The following ZNG1B variants were observed in gnomAD, a reference collection of about 807,000 sequenced individuals.
The protein encoded by ZNG1B is zinc-regulated GTPase metalloprotein activator 1B.
chr2:113,492,815 A>G, the ZNG1B span, among the ~76,000 whole-genome samples: 1 of 81,444 alleles, frequency 1.2e-5, no homozygotes, highest in Non-Finnish European at 2.4e-5. Flanking sequence ...TTATGCAAAG[A>G]TGTGCTTTAG....
At chr2:113,489,939 G>A in the ZNG1B span, among the ~76,000 whole-genome samples, 1 of 148,916 alleles carries the variant, frequency 6.7e-6, no homozygotes, top group East Asian at 2.0e-4. Flanking sequence ...TCCACTGACA[G>A]CACTGGACAG....
chr2:113,445,405 C>T, the ZNG1B span: 25 of 225,296 alleles, frequency 1.1e-4, no homozygotes, highest in African/African-American at 4.2e-4. Context: ...GTATTAGTTC[C>T]GGAACCTCTG....
chr2:113,478,530 C>G, the ZNG1B span, among the ~76,000 whole-genome samples: 1 of 152,030 alleles, frequency 6.6e-6, no homozygotes, highest in Non-Finnish European at 1.5e-5. Flanking sequence ...ATCCTCATGC[C>G]TCAGCCTCCC....
chr2:113,471,001 C>A, the ZNG1B span: 2 of 1,579,816 alleles, frequency 1.3e-6, no homozygotes, highest in Non-Finnish European at 1.7e-6. Context: ...CACAGAATTT[C>A]CAACTGCTCA....
chr2:113,494,715 A>C, the ZNG1B span: 2 of 927,846 alleles, frequency 2.2e-6, 1 homozygote, highest in Non-Finnish European at 2.6e-6. Flanking sequence ...AAATTATTTA[A>C]TATAATCAAA....
chr2:113,457,905 A>C, the ZNG1B span, among the ~76,000 whole-genome samples: 1 of 143,070 alleles, frequency 7.0e-6, no homozygotes, highest in Non-Finnish European at 1.5e-5. Context: ...AACATCTCAC[A>C]CCGCTCCCCT....
the ZNG1B span, among the ~76,000 whole-genome samples, chr2:113,485,809 AAAAAGTAG>A: frequency 1.3e-5 from 2 of 152,208 alleles, no homozygotes; most frequent in Non-Finnish European, 2.9e-5. Flanking sequence ...ATTGTTTGCA[AAAAAGTAG>A]AAAATGGAGA....
At chr2:113,442,641 G>T in the ZNG1B span, among the ~76,000 whole-genome samples, 4 of 151,662 alleles carry the variant, frequency 2.6e-5, no homozygotes, top group Admixed American at 2.6e-4. Flanking sequence ...GATCATTTTC[G>T]CAATTTTATT....
At chr2:113,490,404 G>T in the ZNG1B span, among the ~76,000 whole-genome samples, 1 of 138,060 alleles carries the variant, frequency 7.2e-6, no homozygotes, top group Non-Finnish European at 1.5e-5. Flanking sequence ...TCAAAAAGTC[G>T]GAAAGAGCAC....
the ZNG1B span, among the ~76,000 whole-genome samples, chr2:113,475,628 C>CGGTTG: frequency 6.6e-6 from 1 of 151,838 alleles, no homozygotes; most frequent in Non-Finnish European, 1.5e-5. Context: ...TGGCTGGTAC[C>CGGTTG]GGTTGTTCCT....
the ZNG1B span, among the ~76,000 whole-genome samples, chr2:113,477,260 G>C: frequency 2.0e-5 from 3 of 152,146 alleles, no homozygotes; most frequent in Non-Finnish European, 4.4e-5. Context: ...CGCAGTATTC[G>C]GGTGGGAGTG....
chr2:113,477,842 TG>T, the ZNG1B span, among the ~76,000 whole-genome samples: 3 of 152,116 alleles, frequency 2.0e-5, no homozygotes, highest in East Asian at 5.8e-4. Flanking sequence ...TCATAGCCCC[TG>T]GCATCCACCA....
the ZNG1B span, among the ~76,000 whole-genome samples, chr2:113,479,217 TC>T: frequency 7.2e-6 from 1 of 138,856 alleles, no homozygotes; most frequent in Non-Finnish European, 1.5e-5. Context: ...TATAGTTATA[TC>T]CTTTCAAGCC....
At chr2:113,460,402 T>G in the ZNG1B span, among the ~76,000 whole-genome samples, 1 of 152,176 alleles carries the variant, frequency 6.6e-6, no homozygotes, top group Admixed American at 6.5e-5. Flanking sequence ...GGTTTTCCTT[T>G]TAAGTAAAAG....
chr2:113,484,225 G>A, the ZNG1B span, among the ~76,000 whole-genome samples: 1 of 142,946 alleles, frequency 7.0e-6, no homozygotes, highest in Non-Finnish European at 1.5e-5. Flanking sequence ...TAATGGAGAA[G>A]CATAATTAGA....
chr2:113,470,962 T>G, the ZNG1B span: 7 of 1,583,570 alleles, frequency 4.4e-6, no homozygotes, highest in African/African-American at 1.4e-5. Context: ...AGAGTCAGAG[T>G]TTTTTTTCTT....
the ZNG1B span, among the ~76,000 whole-genome samples, chr2:113,486,795 A>G: frequency 6.6e-6 from 1 of 152,228 alleles, no homozygotes; most frequent in Non-Finnish European, 1.5e-5. Context: ...CAATAAAGCA[A>G]TTTGGAGTCG....
the ZNG1B span, among the ~76,000 whole-genome samples, chr2:113,483,613 T>TA: frequency 6.6e-6 from 1 of 150,770 alleles, no homozygotes; most frequent in South Asian, 2.1e-4. Flanking sequence ...TTCAAAGATA[T>TA]AAAAGAATAA....
the ZNG1B span, among the ~76,000 whole-genome samples, chr2:113,446,789 C>T: frequency 1.6e-4 from 24 of 146,282 alleles, no homozygotes; most frequent in African/African-American, 5.5e-4. Flanking sequence ...CACACACACA[C>T]ACATTCATAC....
Sources: gnomAD v4.1 joint callset for allele counts (sites outside exome capture counted in the v4.1 genomes callset) on GRCh38, gnomAD v4.1.1 for gene constraint, MANE v1.5 for transcripts, NCBI Gene and HGNC (gene_info 2026-07-23, HGNC 2026-07-21) for gene names.